Variants in RNF111 observed in about 807,000 individuals in gnomAD.
RNF111 encodes the protein E3 ubiquitin-protein ligase Arkadia.
In RNF111, 17 loss-of-function variants were observed where a neutral mutation model predicts 95.1. The ratio of observed to expected loss-of-function variants is 0.18; its 90% CI spans 0.12 to 0.27. RNF111 has a LOEUF of 0.27. Ranked by LOEUF, RNF111 falls within the 10% of genes least tolerant of loss-of-function variation. The pLI is 1.00. For missense variants in RNF111, 1,189 were observed against 1,210.4 expected (o/e 0.98, Z 0.26); for synonymous variants, 440 against 414.8 (o/e 1.06, Z -0.74).
At chr15:58,990,047 A>G (rs2038742219) in intron 1 of RNF111, among the ~76,000 whole-genome samples, 2 of 152,204 alleles carry the variant, frequency 1.3e-5, no homozygotes, top group Non-Finnish European at 2.9e-5. Flanking sequence ...ACTTGACATT[A>G]CCGTTCTATG....
At chr15:59,013,160 G>C (rs960254634) in intron 1 of RNF111, among the ~76,000 whole-genome samples, 1 of 152,174 alleles carries the variant, frequency 6.6e-6, no homozygotes, top group Admixed American at 6.5e-5. Context: ...ATCAGGGGAA[G>C]TTTGTAAATA....
chr15:59,069,566 C>T (rs1257638834), intron 6 of RNF111, among the ~76,000 whole-genome samples: 6 of 152,054 alleles, frequency 3.9e-5, no homozygotes, highest in Non-Finnish European at 8.8e-5. Flanking sequence ...AAATATAACT[C>T]GTTTACCCAC....
intron 1 of RNF111, among the ~76,000 whole-genome samples, chr15:58,997,119 A>T (rs1372268070): frequency 6.6e-6 from 1 of 152,192 alleles, no homozygotes; most frequent in Non-Finnish European, 1.5e-5. Flanking sequence ...AATATATACA[A>T]AGTGTACCAA....
At chr15:59,032,746 G>T (rs953260498) in intron 2 of RNF111, among the ~76,000 whole-genome samples, 1 of 152,138 alleles carries the variant, frequency 6.6e-6, no homozygotes, top group Non-Finnish European at 1.5e-5. Flanking sequence ...TAGCTGAAAA[G>T]TAATTTCAAG....
At chr15:59,053,413 G>A (rs1415972989) in intron 3 of RNF111, among the ~76,000 whole-genome samples, 3 of 152,066 alleles carry the variant, frequency 2.0e-5, no homozygotes, top group African/African-American at 7.2e-5. Context: ...TTTTGTGTTG[G>A]AACGAATTTA....
At chr15:59,086,162 C>G (rs1219748739) in intron 10 of RNF111, among the ~76,000 whole-genome samples, 2 of 152,088 alleles carry the variant, frequency 1.3e-5, no homozygotes, top group African/African-American at 2.4e-5. Flanking sequence ...CTCTGTCACC[C>G]AGGCTGGAGT....
At chr15:59,074,575 G>A (rs1330370318) in intron 6 of RNF111, among the ~76,000 whole-genome samples, 1 of 152,186 alleles carries the variant, frequency 6.6e-6, no homozygotes, top group East Asian at 1.9e-4. Context: ...AGCCTTCATA[G>A]AATTGAAGAG....
At chr15:59,029,074 C>T (rs1444686275) in intron 1 of RNF111, among the ~76,000 whole-genome samples, 1 of 152,136 alleles carries the variant, frequency 6.6e-6, no homozygotes, top group Non-Finnish European at 1.5e-5. Flanking sequence ...GCCACCGCGC[C>T]CAGCTTGTAT....
At chr15:59,086,595 G>A (rs1445981227) in intron 10 of RNF111, among the ~76,000 whole-genome samples, 1 of 152,222 alleles carries the variant, frequency 6.6e-6, no homozygotes, top group Non-Finnish European at 1.5e-5. Context: ...GTTGTTGTGG[G>A]TAGAGGCACT....
chr15:59,087,090 AAAGTTGAATGTCCAATAGG>A (rs2078921259), intron 10 of RNF111, among the ~76,000 whole-genome samples: 1 of 152,188 alleles, frequency 6.6e-6, no homozygotes, highest in African/African-American at 2.4e-5. Context: ...AATCTCTATG[AAAGTTGAATGTCCAATAGG>A]AAGTTAAGCC....
At chr15:59,059,252 G>T (rs2042332166) in intron 5 of RNF111, among the ~76,000 whole-genome samples, 2 of 152,150 alleles carry the variant, frequency 1.3e-5, no homozygotes, top group South Asian at 2.1e-4. Flanking sequence ...AGAAGCACAA[G>T]ATGCTCAACA....
intron 3 of RNF111, among the ~76,000 whole-genome samples, chr15:59,054,646 G>T (rs1442198741): frequency 1.3e-5 from 2 of 151,102 alleles, no homozygotes; most frequent in East Asian, 3.9e-4. Context: ...TCCTTCTTAA[G>T]AATTTTATTT....
chr15:59,097,086 C>T lies in RNF111; in HGVS notation c.*2186C>T, dbSNP rs2079186000. The T allele has an allele frequency of 6.6e-6, 1 of 152,130 alleles. No individual in the cohort carries two copies. The highest frequency in any genetic ancestry group is 2.4e-5 in the African/African-American group (1 of 41,428). The allele number at this position is 152,130 out of a possible 1,614,324, so 9.4% of individuals were successfully genotyped here. A position where few individuals can be genotyped will look rare whatever the true frequency, so the allele number is the denominator to read the frequency against. ...ATTGTTAATATAGGAGCTTATTAAG[C>T]TACTGCCATTAGTTATCGAAAAATG... On this transcript the variant is annotated 3_prime_UTR_variant, in exon 14 of 14. Coordinates refer to ENST00000348370, the MANE Select transcript of RNF111 (RefSeq NM_017610.8).
chr15:59,055,884 G>A (rs376241962), intron 4 of RNF111, 39 bp downstream of exon 4: 2 of 1,518,616 alleles, frequency 1.3e-6, no homozygotes, highest in Admixed American at 1.9e-5. Context: ...TATGAAAGGA[G>A]TTTGATAAAA....
intron 6 of RNF111, among the ~76,000 whole-genome samples, chr15:59,070,964 A>G (rs2042896405): frequency 6.6e-6 from 1 of 152,210 alleles, no homozygotes; most frequent in South Asian, 2.1e-4. Flanking sequence ...TTTGAAAAGT[A>G]TGGTTCCACT....
chr15:59,004,541 C>G (rs1220163472), intron 1 of RNF111, among the ~76,000 whole-genome samples: 7 of 152,204 alleles, frequency 4.6e-5, no homozygotes, highest in Admixed American at 1.3e-4. Flanking sequence ...TAGCTGACAT[C>G]AGTATGCAGG....
Position 59,077,957 on chromosome 15 carries a change from G to A in RNF111, c.1948+1742G>A, listed in dbSNP as rs558339039. On this transcript the variant is annotated intron_variant, in intron 7 of 13. Transcript: ENST00000348370. Reference sequence around the variant, plus strand: ...CCCGTGCTTTTAAAAAACATTTCCCGTATGCTTTAGTTCACGTGTGAAACA... The same window carrying A: ...CCCGTGCTTTTAAAAAACATTTCCCATATGCTTTAGTTCACGTGTGAAACA... 1.3e-3 allele frequency among the ~76,000 whole-genome samples: 200 copies of A among 152,186 alleles called. 1 individual carries two copies. Among genetic ancestry groups the A allele is most frequent in the Non-Finnish European group, 5.3e-4 (36 of 67,988 alleles).
At chr15:59,079,739 G>C (rs963562876) in intron 7 of RNF111, among the ~76,000 whole-genome samples, 3 of 151,668 alleles carry the variant, frequency 2.0e-5, no homozygotes, top group Admixed American at 6.6e-5. Flanking sequence ...TTTTTCAGCA[G>C]TCACTTTGAA....
intron 6 of RNF111, among the ~76,000 whole-genome samples, chr15:59,071,519 A>C (rs2042925682): frequency 6.6e-6 from 1 of 151,866 alleles, no homozygotes; most frequent in Non-Finnish European, 1.5e-5. Flanking sequence ...CCCGTTTCTA[A>C]CAAAACGAAA....
Sources: allele counts gnomAD v4.1 joint callset (sites outside exome capture counted in the v4.1 genomes callset), GRCh38; gene constraint gnomAD v4.1.1; transcripts MANE v1.5; gene names NCBI Gene and HGNC (gene_info 2026-07-23, HGNC 2026-07-21).